The following TLE2 variants were observed in gnomAD, a reference collection of about 807,000 sequenced individuals.
TLE2 encodes the protein TLE family member 2, transcriptional corepressor.
Under a neutral mutation model 97.2 loss-of-function variants are expected in TLE2, and 74 were observed. That is an observed-to-expected ratio of 0.76 (90% CI 0.63 to 0.92). TLE2 has a LOEUF of 0.92. Ranked by LOEUF, TLE2 falls within the 40% of genes least tolerant of loss-of-function variation. The pLI, the probability that TLE2 is intolerant of heterozygous loss-of-function variation, is 0.00. For missense variants in TLE2, 1,038 were observed against 1,008.7 expected, an observed-to-expected ratio of 1.03 and a Z score of -0.39; for synonymous variants, 499 against 432.1, an observed-to-expected ratio of 1.15 and a Z score of -1.92.
At chr19:3,024,305 C>A (rs377374281) in intron 5 of TLE2, among the ~76,000 whole-genome samples, 2 of 151,956 alleles carry the variant, frequency 1.3e-5, no homozygotes, top group Admixed American at 1.3e-4. Context: ...CGCACCTGGC[C>A]GAATTACAGT....
At chr19:3,038,193 C>T (rs1478210481) in intron 1 of TLE2, among the ~76,000 whole-genome samples, 1 of 152,010 alleles carries the variant, frequency 6.6e-6, no homozygotes, top group African/African-American at 2.4e-5. Flanking sequence ...GCTATTTGTA[C>T]TCCCAACATT....
In TLE2 at chr19:3,028,777, G is replaced by C. The variant is rs758095159; in HGVS notation, c.51C>G (p.Phe17Leu). Residue 17 changes from phenylalanine (F) to leucine (L), a missense_variant, in exon 2 of 20, where the codon TTC (phenylalanine) becomes TTG (leucine). Physicochemically the swap from Phe to Leu is conservative, Grantham distance 22. Coordinates refer to ENST00000262953, the MANE Select transcript of TLE2 (RefSeq NM_003260.5). ...CGCAGATCTCCAAGATCGAGAACTT[G>C]AAGGGCTGGCCGGACTGGAGCGGGG... Reference protein sequence around the residue: ...HPTPLQSGQPFKFSILEICDR... With the variant: ...HPTPLQSGQPLKFSILEICDR... The C allele has an allele frequency of 1.2e-6, 2 of 1,612,836 alleles. No individual in the cohort carries two copies. Among genetic ancestry groups the C allele is most frequent in the Non-Finnish European group, 1.7e-6 (2 of 1,179,814 alleles).
intron 14 of TLE2, among the ~76,000 whole-genome samples, chr19:3,007,212 C>T (rs970580615): frequency 2.0e-5 from 3 of 152,042 alleles, no homozygotes; most frequent in Non-Finnish European, 2.9e-5. Context: ...CTCAGCCTCC[C>T]AAGGAGCTGG....
chr19:3,017,755 G>T, intron 8 of TLE2, 85 bp downstream of exon 8: 1 of 1,351,552 alleles, frequency 7.4e-7, no homozygotes, highest in Non-Finnish European at 1.0e-6. Flanking sequence ...ATCGACCTAG[G>T]TCTCATTCTG....
intron 1 of TLE2, among the ~76,000 whole-genome samples, chr19:3,044,335 A>G (rs1373198709): frequency 6.6e-6 from 1 of 151,878 alleles, no homozygotes; most frequent in African/African-American, 2.4e-5. Context: ...AACACCATCC[A>G]TGGCTCCCTA....
At chr19:3,045,839 A>G, upstream of TLE2, 1 of 379,176 alleles carries the variant, frequency 2.6e-6, no homozygotes, top group South Asian at 1.8e-5. Context: ...AAAAACAACC[A>G]ATCAAATGGT....
At chr19:3,025,379 G>A (rs2089924847) in intron 4 of TLE2, 4 of 1,196,540 alleles carry the variant, frequency 3.3e-6, no homozygotes, top group Non-Finnish European at 4.2e-6. Flanking sequence ...GGGATTTGCA[G>A]GAGGCAGACG....
intron 1 of TLE2, among the ~76,000 whole-genome samples, chr19:3,035,917 CAG>C (rs67980208): frequency 0.12 from 17,521 of 152,112 alleles, 1,109 homozygotes; most frequent in Middle Eastern, 0.18. Context: ...TATCCAGAAA[CAG>C]GGGAAAGCGA....
At chr19:3,042,214 AAGGGG>A (rs916188509) in intron 1 of TLE2, among the ~76,000 whole-genome samples, 1 of 127,030 alleles carries the variant, frequency 7.9e-6, no homozygotes, top group Admixed American at 7.7e-5. Flanking sequence ...GGAGGCGGCA[AAGGGG>A]AGGGGAGGGG....
intron 1 of TLE2, among the ~76,000 whole-genome samples, chr19:3,037,111 C>T (rs1360833747): frequency 6.6e-6 from 1 of 152,148 alleles, no homozygotes; most frequent in Non-Finnish European, 1.5e-5. Context: ...ATAGTGAAAC[C>T]CGGTCTTTAC....
At chr19:3,035,217 C>G (rs1002389075) in intron 1 of TLE2, among the ~76,000 whole-genome samples, 6 of 152,182 alleles carry the variant, frequency 3.9e-5, no homozygotes, top group Admixed American at 2.6e-4. Context: ...CTGCTGCCAG[C>G]AACTGTGTGC....
intron 1 of TLE2, among the ~76,000 whole-genome samples, chr19:3,041,695 C>T (rs1000779583): frequency 1.3e-5 from 2 of 152,224 alleles, no homozygotes; most frequent in African/African-American, 4.8e-5. Context: ...CCACGAGGGT[C>T]GAGAGGCGCT....
At chr19:3,042,504 A>G (rs1248935865) in intron 1 of TLE2, among the ~76,000 whole-genome samples, 2 of 144,672 alleles carry the variant, frequency 1.4e-5, no homozygotes, top group African/African-American at 2.6e-5. Flanking sequence ...GATGGTAGGG[A>G]GGGAGGCGCC....
chr19:3,046,710 G>GT (rs1051276718), upstream of TLE2, among the ~76,000 whole-genome samples: 5 of 151,996 alleles, frequency 3.3e-5, no homozygotes, highest in African/African-American at 1.2e-4. Flanking sequence ...CTGCTGGAAC[G>GT]TCCCTCAGAA....
rs564530833 is a variant in TLE2, at chr19:3,001,643, C to A, written c.2047+710G>T. ...TGGCACTACAGGTGCGACCTACTGG[C>A]TGTTTAATTTTTTTGTAGAGAAAGT... On this transcript the variant is annotated intron_variant, in intron 18 of 19. Transcript: ENST00000262953. Among the ~76,000 whole-genome samples the A allele has an allele frequency of 4.0e-5, 6 of 151,796 alleles. No individual in the cohort carries two copies. The South Asian group carries it at 1.3e-3, about 32-fold the overall frequency.
At chr19:3,037,330 C>T (rs886898394) in intron 1 of TLE2, among the ~76,000 whole-genome samples, 12 of 152,136 alleles carry the variant, frequency 7.9e-5, no homozygotes, top group East Asian at 1.9e-4. Flanking sequence ...TGTTGGGTTT[C>T]GGTATTTAAG....
chr19:3,038,125 A>C (rs1357296782), intron 1 of TLE2, among the ~76,000 whole-genome samples: 5 of 152,134 alleles, frequency 3.3e-5, no homozygotes, highest in Admixed American at 1.3e-4. Flanking sequence ...CTGTCTCAAA[A>C]AAATAATAAT....
intron 1 of TLE2, among the ~76,000 whole-genome samples, chr19:3,043,643 CAA>C (rs35442589): frequency 0.21 from 25,057 of 120,462 alleles, 2,441 homozygotes; most frequent in Middle Eastern, 0.24. Context: ...ACTAAAAATA[CAA>C]AAAAAAAAAA....
intron 11 of TLE2, 94 bp from the exon 12 acceptor site, chr19:3,011,254 G>A (rs538708607): frequency 4.3e-5 from 59 of 1,365,932 alleles, no homozygotes; most frequent in East Asian, 5.2e-5. Context: ...GCGGCCAGTC[G>A]CAGTGTCTCA....
Sources: allele counts gnomAD v4.1 joint callset (sites outside exome capture counted in the v4.1 genomes callset), GRCh38; gene constraint gnomAD v4.1.1; transcripts MANE v1.5; gene names NCBI Gene and HGNC (gene_info 2026-07-23, HGNC 2026-07-21).